Variants in ADAMTSL3 observed in about 807,000 individuals in gnomAD.
ADAMTSL3 encodes the protein ADAMTS like 3, also known as ADAMTS-like protein 3.
Under a neutral mutation model 201.7 loss-of-function variants are expected in ADAMTSL3, and 128 were observed. The observed-to-expected ratio is 0.63, with a 90% confidence interval of 0.55 to 0.73. The LOEUF (loss-of-function observed/expected upper bound fraction) is 0.73. Ranked by LOEUF, ADAMTSL3 falls within the 30% of genes least tolerant of loss-of-function variation. The pLI, the probability that ADAMTSL3 is intolerant of heterozygous loss-of-function variation, is 0.00. For missense variants in ADAMTSL3, 1,990 were observed against 2,119.6 expected (o/e 0.94, Z 1.20); for synonymous variants, 738 against 748.4 (o/e 0.99, Z 0.23).
intron 5 of ADAMTSL3, among the ~76,000 whole-genome samples, chr15:83,814,956 A>G (rs970029205): frequency 6.6e-6 from 1 of 152,184 alleles, no homozygotes; most frequent in African/African-American, 2.4e-5. Flanking sequence ...GGTTTTACAT[A>G]TCCCCATGGT....
chr15:83,929,346 G>A (rs2066307351), intron 17 of ADAMTSL3, among the ~76,000 whole-genome samples: 1 of 152,084 alleles, frequency 6.6e-6, no homozygotes, highest in Non-Finnish European at 1.5e-5. Flanking sequence ...AGAGAGCCTT[G>A]GTTCCATGGC....
At chr15:84,024,659 G>C (rs943326573) in intron 26 of ADAMTSL3, among the ~76,000 whole-genome samples, 11 of 152,158 alleles carry the variant, frequency 7.2e-5, no homozygotes, top group Admixed American at 7.2e-4. Flanking sequence ...AAGGTGTCCA[G>C]CTCCAAGTTC....
intron 23 of ADAMTSL3, among the ~76,000 whole-genome samples, chr15:84,005,452 G>A (rs2067876818): frequency 6.6e-6 from 1 of 152,178 alleles, no homozygotes. Flanking sequence ...GCTCCAGCAT[G>A]TATCGCTATG....
At chr15:83,814,883 A>C (rs2063749511) in intron 5 of ADAMTSL3, among the ~76,000 whole-genome samples, 1 of 152,172 alleles carries the variant, frequency 6.6e-6, no homozygotes, top group Non-Finnish European at 1.5e-5. Flanking sequence ...TCTCTCTTGC[A>C]TAAAAGTACT....
intron 3 of ADAMTSL3, among the ~76,000 whole-genome samples, chr15:83,748,617 A>T (rs2141663502): frequency 6.7e-6 from 1 of 149,152 alleles, no homozygotes. Flanking sequence ...GCCAATGCAC[A>T]ACAGCCTGGG....
At chr15:83,674,802 A>G in intron 2 of ADAMTSL3, among the ~76,000 whole-genome samples, 1 of 114,184 alleles carries the variant, frequency 8.8e-6, no homozygotes, top group Non-Finnish European at 1.8e-5. Flanking sequence ...TCTTGCTGGA[A>G]TTTTGATAGG....
At position 83,942,478 on chromosome 15, in the gene ADAMTSL3, C is replaced by T. The variant is rs900387746; in HGVS notation, c.2118-118C>T. 12 of 839,188 alleles carry T rather than the reference C, an allele frequency of 1.4e-5. No individual in the cohort carries two copies. In the African/African-American group the frequency reaches 1.7e-4, roughly 12 times the overall value. The allele number at this position is 839,188 out of a possible 1,614,324, so 52.0% of individuals were successfully genotyped here. The stretch of plus-strand genomic sequence containing the variant: ...GATGGAGATGCTGTGACTGTAGAAT[C>T]TGTATACAGGGTGTGAAGTCTGGAA... On this transcript the variant is annotated intron_variant, in intron 17 of 29. Coordinates refer to ENST00000286744, the MANE Select transcript of ADAMTSL3 (RefSeq NM_207517.3).
chr15:83,841,907 A>C (rs1368962749), intron 7 of ADAMTSL3, among the ~76,000 whole-genome samples: 1 of 151,746 alleles, frequency 6.6e-6, no homozygotes, highest in African/African-American at 2.4e-5. Flanking sequence ...AGAAGAACAC[A>C]CAGACGCCGA....
chr15:83,866,216 C>A (rs1364250060), intron 8 of ADAMTSL3, among the ~76,000 whole-genome samples: 1 of 152,204 alleles, frequency 6.6e-6, no homozygotes, highest in Non-Finnish European at 1.5e-5. Context: ...CCTCAAGGAT[C>A]TAGAACTAGA....
At chr15:83,885,041 A>C in intron 9 of ADAMTSL3, 60 bp from the exon 10 acceptor site, 1 of 1,077,578 alleles carries the variant, frequency 9.3e-7, no homozygotes. Flanking sequence ...TTATTTTGAA[A>C]GGTGTGGAAA....
chr15:84,028,828 G>A (rs1011246623), intron 27 of ADAMTSL3, among the ~76,000 whole-genome samples: 13 of 152,148 alleles, frequency 8.5e-5, no homozygotes, highest in African/African-American at 1.7e-4. Context: ...ATTGAGTCAT[G>A]GGGGCAGTTT....
At chr15:83,680,434 T>G (rs781495360) in intron 2 of ADAMTSL3, among the ~76,000 whole-genome samples, 1 of 152,006 alleles carries the variant, frequency 6.6e-6, no homozygotes, top group Admixed American at 6.6e-5. Flanking sequence ...AAGATTCCTT[T>G]TTGTAATCTT....
intron 2 of ADAMTSL3, among the ~76,000 whole-genome samples, chr15:83,699,272 A>G (rs1353075269): frequency 6.6e-6 from 1 of 152,150 alleles, no homozygotes; most frequent in Non-Finnish European, 1.5e-5. Flanking sequence ...ACATGACTCA[A>G]ACAGAACTGT....
At chr15:83,724,810 T>A (rs2062149804) in intron 3 of ADAMTSL3, among the ~76,000 whole-genome samples, 1 of 152,190 alleles carries the variant, frequency 6.6e-6, no homozygotes, top group African/African-American at 2.4e-5. Flanking sequence ...GAAGTTTGTC[T>A]TTCTGTACCT....
At position 84,001,573 on chromosome 15, in the gene ADAMTSL3, GTT is replaced by G. The variant is rs540799465; in HGVS notation, c.3973+10361_3973+10362del. ...GGAGCTAGACAGAGAATGAAACTGT[GTT>G]TGAGACAGCAGAATAGGCACCACGC... On this transcript the variant is annotated intron_variant, in intron 23 of 29. Coordinates refer to ENST00000286744, the MANE Select transcript of ADAMTSL3 (RefSeq NM_207517.3). Among the ~76,000 whole-genome samples, 25 of 152,352 alleles carry G rather than the reference GTT, an allele frequency of 1.6e-4. 1 individual carries two copies. In the South Asian group the frequency reaches 5.2e-3, roughly 32 times the overall value.
chr15:84,037,100 A>T, intron 29 of ADAMTSL3, 113 bp downstream of exon 29: 2 of 1,100,596 alleles, frequency 1.8e-6, no homozygotes, highest in Non-Finnish European at 1.3e-6. Flanking sequence ...CAGTGTCCCA[A>T]CTGAGGGGCT....
intron 28 of ADAMTSL3, among the ~76,000 whole-genome samples, 156 bp from the exon 29 acceptor site, chr15:84,036,617 A>G (rs1317404729): frequency 1.3e-5 from 2 of 152,218 alleles, no homozygotes; most frequent in Non-Finnish European, 2.9e-5. Flanking sequence ...TCTAGCCTGT[A>G]TGGCATAAAA....
intron 28 of ADAMTSL3, among the ~76,000 whole-genome samples, chr15:84,033,503 T>TA (rs1242399718): frequency 2.6e-5 from 4 of 151,956 alleles, no homozygotes; most frequent in Non-Finnish European, 4.4e-5. Flanking sequence ...CTACTAAAAA[T>TA]ACAAAATTAG....
In ADAMTSL3 at chr15:83,984,975, G is replaced by A. The variant is rs544093219; in HGVS notation, c.3716+1631G>A. Among the ~76,000 whole-genome samples, 4 of 152,206 alleles carry A rather than the reference G, an allele frequency of 2.6e-5. No homozygotes were observed. In the East Asian group the frequency reaches 7.7e-4, roughly 29 times the overall value. The stretch of plus-strand genomic sequence containing the variant: ...AATTCTACACTAAAACTAGACAAAG[G>A]GTCATTTCTCAAAGGTTAGTTGAAA... On this transcript the variant is annotated intron_variant, in intron 21 of 29. Coordinates refer to ENST00000286744, the MANE Select transcript of ADAMTSL3 (RefSeq NM_207517.3).
Sources: gnomAD v4.1 joint callset for allele counts (sites outside exome capture counted in the v4.1 genomes callset) on GRCh38, gnomAD v4.1.1 for gene constraint, MANE v1.5 for transcripts, NCBI Gene and HGNC (gene_info 2026-07-23, HGNC 2026-07-21) for gene names.